Variants in TBCD observed in about 807,000 individuals in gnomAD.
The protein encoded by TBCD is tubulin folding cofactor D.
Under a neutral mutation model 169.3 loss-of-function variants are expected in TBCD, and 105 were observed. The observed-to-expected ratio is 0.62, with a 90% CI of 0.53 to 0.73. The LOEUF (loss-of-function observed/expected upper bound fraction) is 0.73, where lower values mean the gene tolerates loss of function less well. TBCD is among the 30% of genes least tolerant of loss of function. The pLI, the probability that TBCD is intolerant of heterozygous loss-of-function variation, is 0.00. For missense variants in TBCD, 1,444 were observed against 1,600.1 expected (o/e 0.90, Z 1.66); for synonymous variants, 700 against 643.9 (o/e 1.09, Z -1.32).
intron 6 of TBCD, among the ~76,000 whole-genome samples, chr17:82,775,711 A>G (rs1371706686): frequency 7.8e-6 from 1 of 128,490 alleles, no homozygotes; most frequent in Non-Finnish European, 1.6e-5. Flanking sequence ...AACCCACAGG[A>G]AGGGGAACAT....
At chr17:82,783,941 G>T (rs146930072) in intron 7 of TBCD, among the ~76,000 whole-genome samples, 1 of 152,058 alleles carries the variant, frequency 6.6e-6, no homozygotes, top group Non-Finnish European at 1.5e-5. Context: ...CCTGGTCAAC[G>T]TGGTGAAACC....
rs748990586 is a variant in TBCD, at chr17:82,831,411, G to T, written c.1318+16477G>T. 3 of 1,614,216 alleles carry T rather than the reference G, an allele frequency of 1.9e-6. No individual in the cohort carries two copies. Among genetic ancestry groups the T allele is most frequent in the Non-Finnish European group, 2.5e-6 (3 of 1,180,034 alleles). The stretch of plus-strand genomic sequence containing the variant: ...AGACCAGGGTGGCTTCTTCAAGCAG[G>T]TGAGAGCTCTGATCTCGGGTGAGGC... On this transcript the variant is annotated intron_variant, in intron 13 of 38. Transcript: ENST00000355528. This position sits in a 1 kb window ranked among gnomAD's most constrained non-coding sequence, Gnocchi z 4.6.
intron 13 of TBCD, among the ~76,000 whole-genome samples, chr17:82,848,581 G>A (rs1215062057): frequency 1.3e-5 from 2 of 152,122 alleles, no homozygotes; most frequent in African/African-American, 4.8e-5. Flanking sequence ...TTATTCAGAG[G>A]GTGCCTCTAC....
rs371685362 is a variant in TBCD, at chr17:82,927,342, G to C, written c.2609+19G>C. ...GCACCTGGTACGTACGTAGCAGTGG[G>C]TGAGCGCTTCTTCTGAGAAGCCCAT... is the stretch of plus-strand genomic sequence containing the variant. On this transcript the variant is annotated intron_variant, in intron 29 of 38. Transcript: ENST00000355528. 6.2e-7 allele frequency: 1 copy of C among 1,610,220 alleles called. No homozygotes were observed. Among genetic ancestry groups the C allele is most frequent in the Non-Finnish European group, 8.5e-7 (1 of 1,178,122 alleles).
At chr17:82,914,107 GGCAGGCACT>G (rs2060857995) in intron 23 of TBCD, 1 of 152,460 alleles carries the variant, frequency 6.6e-6, no homozygotes, top group Non-Finnish European at 1.5e-5. Flanking sequence ...GCTCCCCGCT[GGCAGGCACT>G]GCAGGCTGCA....
intron 22 of TBCD, 39 bp from the exon 23 acceptor site, chr17:82,911,719 A>G (rs746063259): frequency 1.1e-5 from 18 of 1,606,696 alleles, no homozygotes; most frequent in East Asian, 6.7e-5. Context: ...TTATACGTCA[A>G]GAGGTTCTTC....
chr17:82,787,215 G>T (rs1401059340), intron 7 of TBCD, among the ~76,000 whole-genome samples: 1 of 152,244 alleles, frequency 6.6e-6, no homozygotes, highest in Non-Finnish European at 1.5e-5. Flanking sequence ...GTTTAGGGCA[G>T]AGCACCCAGG....
chr17:82,929,372 G>A lies in TBCD; in HGVS notation c.2863G>A (p.Ala955Thr), dbSNP rs376859570. The change falls in exon 32 of 39, where the codon GCC becomes ACC. Residue 955 changes from alanine (A) to threonine (T), a missense_variant. Transcript: ENST00000355528. ...LEKLFPRSDV[A>T]SVNWSAPSQA... ...CTCACTCTCTTGCAGGTCCGATGTG[G>A]CCTCCGTGAACTGGAGTGCACCTTC... The A allele has an allele frequency of 2.5e-6, 4 of 1,612,766 alleles. No homozygotes were observed. The African/African-American group carries it at 5.3e-5, about 22-fold the overall frequency.
chr17:82,897,068 AG>A (rs1464707690), intron 17 of TBCD, among the ~76,000 whole-genome samples: 1 of 152,060 alleles, frequency 6.6e-6, no homozygotes, highest in Non-Finnish European at 1.5e-5. Flanking sequence ...TTTACTTATT[AG>A]GTTAGTCGTT....
chr17:82,800,922 G>C lies in TBCD; in HGVS notation c.876G>C (p.Leu292=). 1 of 1,612,334 alleles carries C rather than the reference G, an allele frequency of 6.2e-7. No homozygotes were observed. The highest frequency in any genetic ancestry group is 8.5e-7 in the Non-Finnish European group (1 of 1,179,434). ...GACTCCCTGAGAGCAACCAGACCCT[G>C]CTGCGGAAGCTGGGGGTGAAGCTTG... is the stretch of plus-strand genomic sequence containing the variant. The part of the protein sequence containing the change: ...GCRLPESNQT[L]LRKLGVKLVQ... Residue 292 remains leucine (L), a synonymous_variant, in exon 9 of 39, where the codon CTG becomes CTC. Coordinates refer to ENST00000355528, the MANE Select transcript of TBCD (RefSeq NM_005993.5).
At chr17:82,794,734 T>C (rs772287968) in intron 7 of TBCD, among the ~76,000 whole-genome samples, 1 of 152,248 alleles carries the variant, frequency 6.6e-6, no homozygotes, top group Non-Finnish European at 1.5e-5. Context: ...CCTGTCTTCA[T>C]TGACTCGTTC....
intron 13 of TBCD, among the ~76,000 whole-genome samples, chr17:82,824,658 A>G (rs1269988687): frequency 6.6e-6 from 1 of 152,170 alleles, no homozygotes; most frequent in Non-Finnish European, 1.5e-5. Context: ...GCCCCTGGCC[A>G]TATTTTCTTG....
chr17:82,756,930 C>G (rs1460091224), intron 2 of TBCD, among the ~76,000 whole-genome samples: 1 of 152,154 alleles, frequency 6.6e-6, no homozygotes, highest in Admixed American at 6.5e-5. Flanking sequence ...GTTGTCATCT[C>G]CAGTTTACAG....
rs2050466583 is a variant in TBCD at position 82,800,981 on chromosome 17, A to C, written c.935A>C (p.Lys312Thr). The C allele has an allele frequency of 6.9e-7, 1 of 1,458,776 alleles. No individual in the cohort carries two copies. The highest frequency in any genetic ancestry group is 1.5e-5 in the African/African-American group (1 of 68,004). The allele number at this position is 1,458,776 out of a possible 1,614,324, so 90.4% of individuals were successfully genotyped here. A position where few individuals can be genotyped will look rare whatever the true frequency, so the allele number is the denominator to read the frequency against. Residue 312 changes from lysine (K) to threonine (T), a missense_variant, in exon 9 of 39, where the codon AAG (lysine) becomes ACG (threonine). By Grantham distance (78) the Lys-to-Thr change is moderately conservative. Coordinates refer to ENST00000355528, the MANE Select transcript of TBCD (RefSeq NM_005993.5). ...CTGGGGCTGACATTCCTGAAGCCGA[A>C]GGTGGCAGCATGGAGGTAGGCACCA... is the stretch of plus-strand genomic sequence containing the variant. Reference protein sequence around the residue: ...QRLGLTFLKPKVAAWRYQRGC... With the variant: ...QRLGLTFLKPTVAAWRYQRGC...
Position 82,926,451 on chromosome 17 carries a change from T to C in TBCD, c.2431T>C (p.Phe811Leu). The change falls in exon 28 of 39, where the codon TTT becomes CTT. Residue 811 changes from phenylalanine (F) to leucine (L), a missense_variant. Physicochemically the swap from Phe to Leu is conservative, Grantham distance 22. Coordinates refer to ENST00000355528, the MANE Select transcript of TBCD (RefSeq NM_005993.5). ...VTHTSPEDVS[F>L]AESRRDGLKA... ...CCACACTTCCCCCGAGGACGTAAGT[T>C]TTGCTGAGTCCAGGAGAGACGGCTT... 6.2e-7 allele frequency: 1 copy of C among 1,613,950 alleles called. No individual in the cohort carries two copies. Among genetic ancestry groups the C allele is most frequent in the Non-Finnish European group, 8.5e-7 (1 of 1,179,872 alleles).
chr17:82,830,152 C>T (rs531996649), intron 13 of TBCD: 4 of 1,613,812 alleles, frequency 2.5e-6, no homozygotes, highest in Admixed American at 1.7e-5. Flanking sequence ...TTAGGACACC[C>T]GGGCCCTCCT....
chr17:82,924,838 T>C (rs2061622702), intron 26 of TBCD, 101 bp from the exon 27 acceptor site: 10 of 938,176 alleles, frequency 1.1e-5, no homozygotes, highest in Middle Eastern at 4.3e-4. Flanking sequence ...GGCTCCTCCT[T>C]TGTTCACTGT....
At chr17:82,802,777 C>CTT (rs2050669607) in intron 9 of TBCD, among the ~76,000 whole-genome samples, 1 of 152,200 alleles carries the variant, frequency 6.6e-6, no homozygotes, top group South Asian at 2.1e-4. Flanking sequence ...GATTCACATG[C>CTT]TGGTCCAGAG....
intron 13 of TBCD, among the ~76,000 whole-genome samples, chr17:82,848,443 C>T (rs978074665): frequency 6.6e-6 from 1 of 152,176 alleles, no homozygotes; most frequent in African/African-American, 2.4e-5. Context: ...AGAATTCCCA[C>T]AGTTTTCTTC....
Sources: gnomAD v4.1 joint callset for allele counts (sites outside exome capture counted in the v4.1 genomes callset) on GRCh38, gnomAD v4.1.1 for gene constraint, Gnocchi (gnomAD v3.1) non-coding constraint, MANE v1.5 for transcripts, NCBI Gene and HGNC (gene_info 2026-07-23, HGNC 2026-07-21) for gene names.